The following RBFOX2 variants were observed in gnomAD, a reference collection of about 807,000 sequenced individuals.
RBFOX2 encodes the protein RNA binding fox-1 homolog 2, also known as RNA binding protein fox-1 homolog 2.
Under a neutral mutation model 49.1 loss-of-function variants are expected in RBFOX2, and 10 were observed. The observed-to-expected ratio is 0.20, with a 90% CI of 0.13 to 0.35. The LOEUF (loss-of-function observed/expected upper bound fraction) is 0.35. Among genes scored for constraint, RBFOX2 ranks in the 10% least tolerant of loss-of-function variants. RBFOX2 has a pLI of 1.00. For missense variants in RBFOX2, 323 were observed against 486.9 expected, an observed-to-expected ratio of 0.66 and a Z score of 3.17; for synonymous variants, 183 against 187.4, an observed-to-expected ratio of 0.98 and a Z score of 0.19.
chr22:35,994,113 T>TATA (rs1202699552), intron 1 of RBFOX2: 2 of 151,920 alleles, frequency 1.3e-5, no homozygotes, highest in African/African-American at 2.4e-5. Flanking sequence ...CTAATAGGAA[T>TATA]ATAATGAGAG....
intron 1 of RBFOX2, among the ~76,000 whole-genome samples, chr22:35,908,999 C>G (rs556398676): frequency 1.5e-4 from 23 of 152,146 alleles, no homozygotes; most frequent in Admixed American, 3.9e-4. Flanking sequence ...CCCGCCACCA[C>G]GCCTGGCTAA....
At chr22:35,924,727 C>G (rs1405447110) in intron 1 of RBFOX2, among the ~76,000 whole-genome samples, 3 of 152,176 alleles carry the variant, frequency 2.0e-5, no homozygotes, top group African/African-American at 7.2e-5. Flanking sequence ...ATCCCGTTAC[C>G]ACACTTTACC....
chr22:35,810,875 A>G (rs563151093), intron 1 of RBFOX2, among the ~76,000 whole-genome samples: 1 of 152,338 alleles, frequency 6.6e-6, no homozygotes, highest in South Asian at 2.1e-4. Flanking sequence ...ATAAACATAT[A>G]TTACTTTTGT....
chr22:35,792,259 T>C (rs1203839683), intron 2 of RBFOX2, among the ~76,000 whole-genome samples: 1 of 138,086 alleles, frequency 7.2e-6, no homozygotes, highest in African/African-American at 2.8e-5. Flanking sequence ...GAGGTTGCAG[T>C]GAGCCGAGAT....
At chr22:35,832,805 C>G (rs994078022) in intron 1 of RBFOX2, among the ~76,000 whole-genome samples, 18 of 152,180 alleles carry the variant, frequency 1.2e-4, no homozygotes, top group Non-Finnish European at 2.2e-4. Context: ...GACTGCACCA[C>G]TGTACTCCAG....
rs201928921 is a variant in RBFOX2 at position 35,862,375 on chromosome 22, GGA to G, written c.-33-52373_-33-52372del. 5.0e-3 allele frequency among the ~76,000 whole-genome samples: 729 copies of G among 144,808 alleles called. 8 individuals are homozygous for G. Among genetic ancestry groups the G allele is most frequent in the African/African-American group, 0.017 (641 of 38,764 alleles). 95.0% of individuals were successfully genotyped at this position (144,808 alleles called of 152,430 possible). A position where few individuals can be genotyped will look rare whatever the true frequency, so the allele number is the denominator to read the frequency against. On this transcript the variant is annotated intron_variant, in intron 1 of 13. Coordinates refer to the RBFOX2 transcript ENST00000359369. The stretch of plus-strand genomic sequence containing the variant: ...TTTTGAAGGGTTAGTTATTTTCTTT[GGA>G]GGGGGGGGGGAATGATAAAAGGAGA...
chr22:35,832,641 T>C (rs1052196627), intron 1 of RBFOX2, among the ~76,000 whole-genome samples: 1 of 152,064 alleles, frequency 6.6e-6, no homozygotes, highest in Non-Finnish European at 1.5e-5. Context: ...GAGAGCAGCC[T>C]GGCCAACATG....
At chr22:36,023,292 C>A (rs1444869096) in intron 1 of RBFOX2, among the ~76,000 whole-genome samples, 1 of 152,158 alleles carries the variant, frequency 6.6e-6, no homozygotes, top group African/African-American at 2.4e-5. Flanking sequence ...AGTCATCTTA[C>A]TACTAGAATC....
intron 1 of RBFOX2, among the ~76,000 whole-genome samples, chr22:35,946,768 G>C (rs1006750188): frequency 6.6e-6 from 1 of 152,176 alleles, no homozygotes; most frequent in Non-Finnish European, 1.5e-5. Flanking sequence ...TAGTATTCAA[G>C]AACAGAATGA....
chr22:35,874,978 TA>T (rs924924302), intron 1 of RBFOX2, among the ~76,000 whole-genome samples: 2 of 152,028 alleles, frequency 1.3e-5, no homozygotes, highest in African/African-American at 4.8e-5. Flanking sequence ...TCATTGTCCT[TA>T]AAAGAGACAC....
intron 9 of RBFOX2, chr22:35,748,247 C>T (rs980854653): frequency 6.6e-6 from 1 of 152,166 alleles, no homozygotes; most frequent in African/African-American, 2.4e-5. Context: ...AAATGAGTGA[C>T]TTAGAAAGTA....
chr22:36,026,557 C>CA (rs2059446579), intron 1 of RBFOX2, among the ~76,000 whole-genome samples: 1 of 151,864 alleles, frequency 6.6e-6, no homozygotes. Context: ...CACACACACA[C>CA]ACACACACAC....
chr22:35,835,220 T>A (rs1035637322), intron 1 of RBFOX2, among the ~76,000 whole-genome samples: 2 of 152,064 alleles, frequency 1.3e-5, no homozygotes, highest in African/African-American at 2.4e-5. Context: ...TGAGGAATTA[T>A]GACTTCGGAA....
chr22:35,919,398 T>G (rs1237970086), intron 1 of RBFOX2, among the ~76,000 whole-genome samples: 1 of 152,082 alleles, frequency 6.6e-6, no homozygotes, highest in Non-Finnish European at 1.5e-5. Context: ...ATTAGGCAGG[T>G]GGCATGCGCC....
intron 3 of RBFOX2, among the ~76,000 whole-genome samples, chr22:35,778,571 G>C (rs1365892289): frequency 6.6e-6 from 1 of 151,926 alleles, no homozygotes; most frequent in Non-Finnish European, 1.5e-5. Context: ...TTAGTACACA[G>C]CATTCCAGGC....
At chr22:36,026,692 T>C (rs2059452365) in intron 1 of RBFOX2, among the ~76,000 whole-genome samples, 1 of 152,222 alleles carries the variant, frequency 6.6e-6, no homozygotes, top group Non-Finnish European at 1.5e-5. Context: ...CCTGAGCTTT[T>C]ACTTCTCACA....
intron 1 of RBFOX2, among the ~76,000 whole-genome samples, chr22:35,810,907 T>C (rs973953209): frequency 8.5e-5 from 13 of 152,286 alleles, no homozygotes; most frequent in Admixed American, 8.5e-4. Flanking sequence ...TACAAATATA[T>C]TGTTTTTAAT....
intron 1 of RBFOX2, among the ~76,000 whole-genome samples, chr22:36,013,667 A>G (rs1261011801): frequency 6.6e-6 from 1 of 151,948 alleles, no homozygotes; most frequent in African/African-American, 2.4e-5. Context: ...AGAGAGAGAG[A>G]GAGACCACTA....
In RBFOX2 at chr22:35,859,118, C is replaced by T. The variant is rs1047863454; in HGVS notation, c.-33-49114G>A. Reference sequence around the variant, plus strand: ...CCAAAATACCATTCGATAAATGCCACGCTTATTCCAATATGGCTTGGGAGA... The same window carrying T: ...CCAAAATACCATTCGATAAATGCCATGCTTATTCCAATATGGCTTGGGAGA... On this transcript the variant is annotated intron_variant, in intron 1 of 13. Coordinates refer to the RBFOX2 transcript ENST00000359369. Among the ~76,000 whole-genome samples the T allele has an allele frequency of 5.3e-5, 8 of 152,258 alleles. 1 individual carries two copies. The South Asian group carries it at 1.2e-3, about 24-fold the overall frequency.
Sources: gnomAD v4.1 joint callset for allele counts (sites outside exome capture counted in the v4.1 genomes callset) on GRCh38, gnomAD v4.1.1 for gene constraint, MANE v1.5 for transcripts, NCBI Gene and HGNC (gene_info 2026-07-23, HGNC 2026-07-21) for gene names.